Variants in DNAH12 observed in about 807,000 individuals in gnomAD.
DNAH12 encodes dynein axonemal heavy chain 12.
DNAH12 carries 285 observed loss-of-function variants against 371.5 expected under a neutral mutation model. That is an observed-to-expected ratio of 0.77 (90% confidence interval 0.70 to 0.85). The LOEUF is 0.85. Ranked by LOEUF, DNAH12 falls within the 40% of genes least tolerant of loss-of-function variation. The pLI is 0.00. For synonymous variants in DNAH12, 1,200 were observed against 1,213.0 expected (o/e 0.99, Z 0.22); for missense variants, 3,611 against 3,689.4 (o/e 0.98, Z 0.55).
chr3:57,302,539 A>G (rs1334037290), intron 69 of DNAH12, among the ~76,000 whole-genome samples: 5 of 75,142 alleles, frequency 6.7e-5, no homozygotes, highest in South Asian at 5.8e-4. Flanking sequence ...GTATATATAT[A>G]TATATATATA....
At chr3:57,541,889 A>AT (rs1236144359) in intron 2 of DNAH12, among the ~76,000 whole-genome samples, 1 of 152,198 alleles carries the variant, frequency 6.6e-6, no homozygotes, top group Non-Finnish European at 1.5e-5. Flanking sequence ...CTGCAAAAAA[A>AT]GGTTTTTAAA....
At chr3:57,348,238 G>T (rs560340951) in intron 60 of DNAH12, among the ~76,000 whole-genome samples, 51 of 152,192 alleles carry the variant, frequency 3.4e-4, no homozygotes, top group Admixed American at 3.0e-3. Flanking sequence ...ACTACTAAGA[G>T]AAAAAATCCC....
At chr3:57,534,688 T>C (rs1305810349) in intron 2 of DNAH12, among the ~76,000 whole-genome samples, 1 of 152,056 alleles carries the variant, frequency 6.6e-6, no homozygotes, top group Non-Finnish European at 1.5e-5. Flanking sequence ...TTTGTATTTT[T>C]AGTAGAGATG....
intron 32 of DNAH12, 139 bp downstream of exon 32, chr3:57,433,226 AAG>A (rs1575594292): frequency 1.9e-6 from 2 of 1,078,662 alleles, no homozygotes; most frequent in East Asian, 5.7e-5. Context: ...TTTCATTGAA[AAG>A]AGAATTTATA....
chr3:57,311,296 T>C (rs768578572), intron 66 of DNAH12, among the ~76,000 whole-genome samples: 6 of 152,088 alleles, frequency 3.9e-5, no homozygotes, highest in Admixed American at 3.9e-4. Flanking sequence ...AGACTGGTCT[T>C]GAACTCCTGA....
At chr3:57,312,431 AC>A (rs1324371211) in intron 66 of DNAH12, among the ~76,000 whole-genome samples, 1 of 152,234 alleles carries the variant, frequency 6.6e-6, no homozygotes, top group East Asian at 1.9e-4. Context: ...GTGGAGACCA[AC>A]AGCTCATTCT....
At chr3:57,308,008 C>CA (rs2061507629) in intron 69 of DNAH12, among the ~76,000 whole-genome samples, 2 of 152,210 alleles carry the variant, frequency 1.3e-5, no homozygotes, top group Non-Finnish European at 2.9e-5. Flanking sequence ...AGTGTTCCAT[C>CA]TGCTATTCTA....
intron 65 of DNAH12, among the ~76,000 whole-genome samples, chr3:57,319,495 A>T (rs2061758232): frequency 6.6e-6 from 1 of 152,174 alleles, no homozygotes; most frequent in Non-Finnish European, 1.5e-5. Flanking sequence ...TGAGTATAAT[A>T]TAAGTTGTGG....
At chr3:57,403,784 A>G (rs1454995040) in intron 42 of DNAH12, among the ~76,000 whole-genome samples, 1 of 152,226 alleles carries the variant, frequency 6.6e-6, no homozygotes, top group Non-Finnish European at 1.5e-5. Context: ...CTGGCAGTAT[A>G]TTATCACTTT....
At chr3:57,344,264 T>C (rs2062483829) in intron 60 of DNAH12, among the ~76,000 whole-genome samples, 1 of 86,970 alleles carries the variant, frequency 1.1e-5, no homozygotes, top group Non-Finnish European at 2.7e-5. Flanking sequence ...CCAGTTAGAA[T>C]GGCTATCATC....
chr3:57,449,566 A>G (rs370636081), intron 25 of DNAH12, among the ~76,000 whole-genome samples: 15 of 152,114 alleles, frequency 9.9e-5, no homozygotes, highest in Admixed American at 2.6e-4. Context: ...GACCCAGTAC[A>G]CCCTCCACAG....
intron 43 of DNAH12, among the ~76,000 whole-genome samples, chr3:57,396,349 A>G (rs1397240306): frequency 1.3e-5 from 2 of 151,994 alleles, no homozygotes; most frequent in African/African-American, 2.4e-5. Context: ...AAAATTTACA[A>G]TACAATATAA....
At chr3:57,340,040 C>T (rs1409036545) in intron 60 of DNAH12, among the ~76,000 whole-genome samples, 3 of 150,810 alleles carry the variant, frequency 2.0e-5, no homozygotes, top group African/African-American at 7.4e-5. Context: ...CACTGCACTC[C>T]AGCATGGGGG....
chr3:57,453,873 G>A (rs1168214499), intron 23 of DNAH12, among the ~76,000 whole-genome samples: 2 of 151,982 alleles, frequency 1.3e-5, no homozygotes, highest in East Asian at 1.9e-4. Flanking sequence ...GGCACCAGGC[G>A]CAAGGTGGGA....
rs782641389 is a variant in DNAH12, at chr3:57,405,793, C to T, written c.6436G>A (p.Val2146Ile). The T allele has an allele frequency of 2.1e-5, 33 of 1,551,540 alleles. No homozygotes were observed. The African/African-American group carries it at 3.3e-4, about 15-fold the overall frequency. ...AGGCGATCATAAAACACTCGGAGAA[C>T]CTCATGCACAAACAGACGGATCATA... The part of the protein sequence containing the change: ...HTMIRLFVHE[V>I]LRVFYDRLIN... The change falls in exon 41 of 74, where the codon GTT becomes ATT. Residue 2146 changes from valine (V) to isoleucine (I), a missense_variant. By Grantham distance (29) the Val-to-Ile change is conservative (BLOSUM62 3). Transcript: ENST00000495027.
Position 57,509,080 on chromosome 3 carries a change from T to C in DNAH12, c.542+60A>G, listed in dbSNP as rs1575706292. 3.5e-6 allele frequency: 5 copies of C among 1,411,880 alleles called. No individual in the cohort carries two copies. In the East Asian group the frequency reaches 1.1e-4, roughly 32 times the overall value. 87.5% of individuals were successfully genotyped at this position (1,411,880 alleles called of 1,614,324 possible). On this transcript the variant is annotated intron_variant, in intron 6 of 73. Coordinates refer to ENST00000495027, the MANE Select transcript of DNAH12 (RefSeq NM_001366028.2). Reference sequence around the variant, plus strand: ...ATTGTATACTTGAAGGTAAGATCAGTTTATTTTTTATCTATATCAAAAATT... The same window carrying C: ...ATTGTATACTTGAAGGTAAGATCAGCTTATTTTTTATCTATATCAAAAATT...
At chr3:57,374,619 C>T (rs1172572786) in intron 55 of DNAH12, among the ~76,000 whole-genome samples, 1 of 152,024 alleles carries the variant, frequency 6.6e-6, no homozygotes, top group Non-Finnish European at 1.5e-5. Flanking sequence ...AAAACAAGTA[C>T]ATTGTATAGC....
chr3:57,466,227 A>G (rs2066199199), intron 17 of DNAH12, among the ~76,000 whole-genome samples: 1 of 152,186 alleles, frequency 6.6e-6, no homozygotes. Flanking sequence ...ACTTCATGTA[A>G]AAAGATAGAA....
At chr3:57,300,642 T>G (rs1484300260) in intron 70 of DNAH12, among the ~76,000 whole-genome samples, 1 of 152,144 alleles carries the variant, frequency 6.6e-6, no homozygotes, top group Admixed American at 6.5e-5. Flanking sequence ...ACCTATCAGA[T>G]TGGCAAAAAT....
Sources: allele counts gnomAD v4.1 joint callset (sites outside exome capture counted in the v4.1 genomes callset), GRCh38; gene constraint gnomAD v4.1.1; transcripts MANE v1.5; gene names NCBI Gene and HGNC (gene_info 2026-07-23, HGNC 2026-07-21).